Variants in KLHL22 observed in about 807,000 individuals in gnomAD.
KLHL22 encodes kelch-like protein 22.
Under a neutral mutation model 60.7 loss-of-function variants are expected in KLHL22, and 18 were observed. The ratio of observed to expected loss-of-function variants is 0.30; its 90% CI spans 0.20 to 0.44. The LOEUF (loss-of-function observed/expected upper bound fraction) is 0.44. Among genes scored for constraint, KLHL22 ranks in the 20% least tolerant of loss-of-function variants. The pLI is 1.00. For missense variants in KLHL22, 596 were observed against 852.3 expected, an observed-to-expected ratio of 0.70 and a Z score of 3.74; for synonymous variants, 355 against 354.5, an observed-to-expected ratio of 1.00 and a Z score of -0.01.
At chr22:20,488,135 TAGAG>T (rs1569146810) in intron 2 of KLHL22, among the ~76,000 whole-genome samples, 1 of 151,678 alleles carries the variant, frequency 6.6e-6, no homozygotes, top group South Asian at 2.1e-4. Context: ...ATTAAAAAAA[TAGAG>T]AGAGATAAAG....
At chr22:20,494,082 C>CG (rs547146235) in intron 1 of KLHL22, among the ~76,000 whole-genome samples, 123 of 109,650 alleles carry the variant, frequency 1.1e-3, no homozygotes, top group Non-Finnish European at 2.0e-3. Context: ...TTGCCCCCCC[C>CG]CCAAAAAAAA....
At chr22:20,449,970 G>A (rs1270601997) in intron 5 of KLHL22, among the ~76,000 whole-genome samples, 5 of 152,194 alleles carry the variant, frequency 3.3e-5, no homozygotes, top group Non-Finnish European at 7.3e-5. Context: ...GGGCGGCGGC[G>A]GCGACGCTTC....
intron 3 of KLHL22, among the ~76,000 whole-genome samples, chr22:20,466,821 A>G (rs781207425): frequency 7.2e-5 from 11 of 152,194 alleles, no homozygotes; most frequent in Non-Finnish European, 1.5e-4. Flanking sequence ...ACTTGACTCC[A>G]GTAAGTGCAG....
intron 2 of KLHL22, among the ~76,000 whole-genome samples, chr22:20,486,347 C>T (rs745771396): frequency 1.2e-4 from 19 of 152,050 alleles, no homozygotes; most frequent in Admixed American, 5.2e-4. Flanking sequence ...GTTTTTCACT[C>T]CCTATCAGTA....
chr22:20,491,461 T>A (rs2053689330), intron 1 of KLHL22: 1 of 152,142 alleles, frequency 6.6e-6, no homozygotes, highest in Non-Finnish European at 1.5e-5. Flanking sequence ...CTGGCCAGCA[T>A]ACAAAAAGGC....
Position 20,457,944 on chromosome 22 carries a change from G to T in KLHL22, c.1169C>A (p.Ala390Asp). 1 of 1,614,184 alleles carries T rather than the reference G, an allele frequency of 6.2e-7. No homozygotes were observed. The highest frequency in any genetic ancestry group is 1.7e-5 in the Admixed American group (1 of 60,026). Residue 390 changes from alanine (A) to aspartate (D), a missense_variant, in exon 5 of 7, where the codon GCC becomes GAC. Physicochemically the swap from Ala to Asp is moderately radical, Grantham distance 126. Coordinates refer to ENST00000328879, the MANE Select transcript of KLHL22 (RefSeq NM_032775.4). Reference sequence around the variant, plus strand: ...GCCTACAACACACACGGACAGGTCGGCGTGCTCCTGCTGCAGGGACTGGAT... The same window carrying T: ...GCCTACAACACACACGGACAGGTCGTCGTGCTCCTGCTGCAGGGACTGGAT... ...FQIQSLQQEH[A>D]DLSVCVVGRY...
chr22:20,442,481 C>T (rs539296906), intron 6 of KLHL22, 43 bp from the exon 7 acceptor site: 13 of 1,510,464 alleles, frequency 8.6e-6, no homozygotes, highest in East Asian at 7.2e-5. Context: ...CCCACTGGGA[C>T]GAGGCTGCCA....
intron 2 of KLHL22, among the ~76,000 whole-genome samples, chr22:20,478,205 A>AT (rs68060846): frequency 0.037 from 5,358 of 144,532 alleles, 295 homozygotes; most frequent in African/African-American, 0.12. Context: ...ACCAAATTTA[A>AT]TTTTTTTTTT....
rs901061720 is a variant in KLHL22, at chr22:20,495,015, T to C, written c.-34+745A>G. ...GCGGTAGAGGAGAGGGAGTGGGTGC[T>C]GATTCCCAGCGGGGCAGCCTTCCAA... On this transcript the variant is annotated intron_variant, in intron 1 of 6. Transcript: ENST00000328879. This position sits in a 1 kb window ranked among gnomAD's most constrained non-coding sequence, Gnocchi z 4.6. Among the ~76,000 whole-genome samples, 7 of 152,268 alleles carry C rather than the reference T, an allele frequency of 4.6e-5. No individual in the cohort carries two copies. The highest frequency in any genetic ancestry group is 2.1e-4 in the South Asian group (1 of 4,828).
intron 5 of KLHL22, among the ~76,000 whole-genome samples, chr22:20,449,960 G>GGGCGGC (rs1046340986): frequency 1.8e-3 from 279 of 152,328 alleles, no homozygotes; most frequent in Middle Eastern, 6.8e-3. Context: ...CTCCGGGCCG[G>GGGCGGC]GGCGGCGGCG....
Position 20,460,610 on chromosome 22 carries a change from C to CAAAAAAAAA in KLHL22, c.1113-2619_1113-2611dup, listed in dbSNP as rs60765839. Among the ~76,000 whole-genome samples, 12 of 9,446 alleles carry CAAAAAAAAA rather than the reference C, an allele frequency of 1.3e-3. 6 individuals carry two copies. The East Asian group carries it at 0.028, about 22-fold the overall frequency. The allele number at this position is 9,446 out of a possible 152,430, so 6.2% of individuals were successfully genotyped here. A position where few individuals can be genotyped will look rare whatever the true frequency, so the allele number is the denominator to read the frequency against. ...GGCGACAGAGTGAAACTCCATCCCC[C>CAAAAAAAAA]AAAAAAAAAAAAAAAAAAAAAAAAA... is the stretch of plus-strand genomic sequence containing the variant. On this transcript the variant is annotated intron_variant, in intron 4 of 6. Coordinates refer to ENST00000328879, the MANE Select transcript of KLHL22 (RefSeq NM_032775.4).
At chr22:20,470,859 C>T (rs1038513828) in intron 3 of KLHL22, among the ~76,000 whole-genome samples, 6 of 141,484 alleles carry the variant, frequency 4.2e-5, no homozygotes, top group African/African-American at 6.0e-5. Flanking sequence ...TGGATGGATG[C>T]GTGCATGCAT....
intron 2 of KLHL22, among the ~76,000 whole-genome samples, chr22:20,484,357 C>T (rs956385545): frequency 3.9e-5 from 6 of 152,206 alleles, no homozygotes; most frequent in African/African-American, 9.6e-5. Flanking sequence ...TGCAGTGACG[C>T]GATCTCAGCT....
chr22:20,472,447 C>T (rs1299454426), intron 2 of KLHL22, among the ~76,000 whole-genome samples: 3 of 151,752 alleles, frequency 2.0e-5, no homozygotes, highest in African/African-American at 7.3e-5. Context: ...AAAAATTGGC[C>T]GGGCGTGGTG....
intron 5 of KLHL22, chr22:20,451,340 T>C (rs1227607535): frequency 2.5e-6 from 4 of 1,611,452 alleles, no homozygotes; most frequent in South Asian, 2.2e-5. Context: ...CAGAGGAGCA[T>C]GCTGGGAGAT....
At position 20,465,420 on chromosome 22, in the gene KLHL22, G is replaced by A. The variant is rs1447028682; in HGVS notation, c.550C>T (p.Arg184Trp). The A allele has an allele frequency of 8.1e-6, 13 of 1,614,056 alleles. No individual in the cohort carries two copies. The highest frequency in any genetic ancestry group is 9.3e-6 in the Non-Finnish European group (11 of 1,180,042). The change falls in exon 4 of 7, where the codon CGG becomes TGG. Residue 184 changes from arginine to tryptophan, a missense_variant. Transcript: ENST00000328879. The surrounding 1 kb of genome is among the most constrained non-coding windows in gnomAD (Gnocchi z 4.9). The part of the protein sequence containing the change: ...YILKNFVAFS[R>W]TDKYRQLPLE... The stretch of plus-strand genomic sequence containing the variant: ...GGAAGCTGGCGGTACTTGTCAGTCC[G>A]AGAGAAGGCCACAAAGTTTTTGAGG...
intron 2 of KLHL22, among the ~76,000 whole-genome samples, chr22:20,487,745 G>A (rs562622177): frequency 2.6e-5 from 4 of 152,168 alleles, no homozygotes; most frequent in Non-Finnish European, 5.9e-5. Context: ...GGAGGACGTG[G>A]AAAGCCACAT....
chr22:20,456,095 G>T (rs569632966), intron 5 of KLHL22: 1 of 152,284 alleles, frequency 6.6e-6, no homozygotes, highest in South Asian at 2.1e-4. Flanking sequence ...TCCTCCCTCT[G>T]TAAATGGCAG....
chr22:20,480,810 A>G (rs2053486092), intron 2 of KLHL22, among the ~76,000 whole-genome samples: 1 of 151,518 alleles, frequency 6.6e-6, no homozygotes, highest in Admixed American at 6.6e-5. Flanking sequence ...TCCGTGGCTT[A>G]ATGAGTTTAC....
Sources: gnomAD v4.1 joint callset for allele counts (sites outside exome capture counted in the v4.1 genomes callset) on GRCh38, gnomAD v4.1.1 for gene constraint, Gnocchi (gnomAD v3.1) non-coding constraint, MANE v1.5 for transcripts, NCBI Gene and HGNC (gene_info 2026-07-23, HGNC 2026-07-21) for gene names.